Variants in WDR72 observed in about 807,000 individuals in gnomAD.
WDR72 encodes WD repeat domain 72.
In WDR72, 120 loss-of-function variants were observed where a neutral mutation model predicts 124.2. The ratio of observed to expected loss-of-function variants is 0.97; its 90% CI spans 0.83 to 1.12. WDR72 has a LOEUF of 1.12. Among genes scored for constraint, WDR72 ranks in the 50% most tolerant of loss-of-function variants. The probability of loss-of-function intolerance (pLI) is 0.00; values close to 1 mark genes in which losing one functional copy is unlikely to be tolerated. For synonymous variants in WDR72, 452 were observed against 441.7 expected (o/e 1.02, Z -0.29); for missense variants, 1,387 against 1,278.8 (o/e 1.08, Z -1.29).
At chr15:53,653,838 A>C (rs540025798) in intron 14 of WDR72, among the ~76,000 whole-genome samples, 1 of 152,284 alleles carries the variant, frequency 6.6e-6, no homozygotes, top group South Asian at 2.1e-4. Context: ...TATAACTCCA[A>C]AGATACTCTT....
At chr15:53,604,931 G>GATT (rs1392558163) in intron 17 of WDR72, among the ~76,000 whole-genome samples, 4 of 152,164 alleles carry the variant, frequency 2.6e-5, no homozygotes, top group African/African-American at 9.7e-5. Context: ...ACAGTGTGGT[G>GATT]ATTCCTCAAA....
Position 53,576,399 on chromosome 15 carries a change from T to C in WDR72, c.3148+20680A>G, listed in dbSNP as rs74017464. Among the ~76,000 whole-genome samples, 335 of 152,236 alleles carry C rather than the reference T, an allele frequency of 2.2e-3. 4 individuals are homozygous for C. Among genetic ancestry groups the C allele is most frequent in the African/African-American group, 7.9e-3 (329 of 41,564 alleles). Reference sequence around the variant, plus strand: ...ATGTTCAGAAAAGAGAAGTAAGGTATAGAGCCTCCAGTTCCTCCAAAACTC... The same window carrying C: ...ATGTTCAGAAAAGAGAAGTAAGGTACAGAGCCTCCAGTTCCTCCAAAACTC... On this transcript the variant is annotated intron_variant, in intron 18 of 19. Transcript: ENST00000360509.
chr15:53,699,753 T>C lies in WDR72; in HGVS notation c.1762A>G (p.Thr588Ala). Residue 588 changes from threonine to alanine, a missense_variant, in exon 13 of 20, where the codon ACA becomes GCA. By Grantham distance (58) the Thr-to-Ala change is moderately conservative. Transcript: ENST00000360509. The part of the protein sequence containing the change: ...DDSVYIWEIE[T>A]GTLERHETGE... ...AAGGGATAAAATTTCAACTTACCTGTTTCAATTTCCCAGATATAAACTGAG... is the reference window on the plus strand; with the variant it reads ...AAGGGATAAAATTTCAACTTACCTGCTTCAATTTCCCAGATATAAACTGAG... 6.2e-7 allele frequency: 1 copy of C among 1,614,090 alleles called. No individual in the cohort carries two copies. The highest frequency in any genetic ancestry group is 8.5e-7 in the Non-Finnish European group (1 of 1,179,952).
chr15:53,632,831 A>G (rs374772795), intron 14 of WDR72, among the ~76,000 whole-genome samples: 21 of 152,296 alleles, frequency 1.4e-4, no homozygotes, highest in East Asian at 1.4e-3. Flanking sequence ...CTTTCTTCTG[A>G]CCAATTTTTC....
intron 18 of WDR72, among the ~76,000 whole-genome samples, chr15:53,527,220 A>G (rs1255611500): frequency 6.6e-6 from 1 of 152,088 alleles, no homozygotes; most frequent in Non-Finnish European, 1.5e-5. Context: ...TTAAAATTAG[A>G]AAAGTGGTAG....
chr15:53,613,665 C>A lies in WDR72; in HGVS notation c.2872+1G>T. 3 of 1,604,862 alleles carry A rather than the reference C, an allele frequency of 1.9e-6. No individual in the cohort carries two copies. Among genetic ancestry groups the A allele is most frequent in the Non-Finnish European group, 2.6e-6 (3 of 1,173,228 alleles). On this transcript the variant is annotated splice_donor_variant, in intron 16 of 19. Coordinates refer to ENST00000360509, the MANE Select transcript of WDR72 (RefSeq NM_182758.4). LOFTEE classifies it high-confidence loss of function. ...CATATCTGTGCCAGTAACTCTCTTACCATTTCGTAAGCAACTGTAGAAGCT... is the reference window on the plus strand; with the variant it reads ...CATATCTGTGCCAGTAACTCTCTTAACATTTCGTAAGCAACTGTAGAAGCT...
chr15:53,723,709 A>C (rs1336167201), intron 2 of WDR72, among the ~76,000 whole-genome samples: 1 of 152,238 alleles, frequency 6.6e-6, no homozygotes, highest in African/African-American at 2.4e-5. Flanking sequence ...AAGTATTGGC[A>C]TATAGCCTAT....
At chr15:53,737,052 C>CACACA (rs2018378074) in intron 1 of WDR72, among the ~76,000 whole-genome samples, 1 of 148,464 alleles carries the variant, frequency 6.7e-6, no homozygotes, top group East Asian at 2.0e-4. Flanking sequence ...CACAGACTTG[C>CACACA]CATCTCTGTT....
At chr15:53,631,546 G>A (rs2014429015) in intron 14 of WDR72, among the ~76,000 whole-genome samples, 1 of 152,158 alleles carries the variant, frequency 6.6e-6, no homozygotes, top group African/African-American at 2.4e-5. Context: ...GAAAGAGTAT[G>A]GAGGCCTCAG....
At chr15:53,657,939 T>C (rs1280589334) in intron 14 of WDR72, among the ~76,000 whole-genome samples, 3 of 152,134 alleles carry the variant, frequency 2.0e-5, no homozygotes, top group Admixed American at 6.5e-5. Flanking sequence ...AAATGCAGAG[T>C]TGATTAGTAA....
intron 4 of WDR72, 66 bp from the exon 5 acceptor site, chr15:53,715,433 G>T (rs1425241441): frequency 1.3e-6 from 2 of 1,585,600 alleles, no homozygotes; most frequent in Non-Finnish European, 1.7e-6. Context: ...TGGCTACATT[G>T]AAGATTTCTC....
At chr15:53,639,579 A>AAATTATATATAATTTTATTT (rs2014770219) in intron 14 of WDR72, among the ~76,000 whole-genome samples, 7 of 56,356 alleles carry the variant, frequency 1.2e-4, no homozygotes, top group Admixed American at 4.2e-4. Flanking sequence ...TAATGTTATA[A>AAATTATATATAATTTTATTT]ATTAAAAATT....
At chr15:53,658,750 G>A (rs1044004845) in intron 14 of WDR72, among the ~76,000 whole-genome samples, 3 of 152,166 alleles carry the variant, frequency 2.0e-5, no homozygotes. Flanking sequence ...CCAGGGTTTG[G>A]AAATAATATC....
At chr15:53,534,781 G>GA (rs1324315245) in intron 18 of WDR72, among the ~76,000 whole-genome samples, 9 of 152,190 alleles carry the variant, frequency 5.9e-5, no homozygotes, top group Non-Finnish European at 1.3e-4. Context: ...ACCAGAAGTA[G>GA]AAAATAAATT....
intron 1 of WDR72, among the ~76,000 whole-genome samples, chr15:53,758,497 A>T (rs1595893050): frequency 6.6e-6 from 1 of 152,112 alleles, no homozygotes; most frequent in Non-Finnish European, 1.5e-5. Context: ...ACATTTTAAT[A>T]TTGAAGGAGT....
intron 9 of WDR72, among the ~76,000 whole-genome samples, chr15:53,706,364 A>ATGTGTGTGTG (rs1402334924): frequency 3.2e-4 from 15 of 47,612 alleles, no homozygotes; most frequent in African/African-American, 1.2e-3. Flanking sequence ...ATATATATAT[A>ATGTGTGTGTG]TATATATATA....
In WDR72 at chr15:53,597,069, T is replaced by G; in HGVS notation, c.3148+10A>C. 1 of 1,613,262 alleles carries G rather than the reference T, an allele frequency of 6.2e-7. No individual in the cohort carries two copies. Among genetic ancestry groups the G allele is most frequent in the Non-Finnish European group, 8.5e-7 (1 of 1,179,524 alleles). On this transcript the variant is annotated intron_variant, in intron 18 of 19. Transcript: ENST00000360509. The stretch of plus-strand genomic sequence containing the variant: ...TGTTGAAAGAGTATACCAATAAATT[T>G]TGTACTTACTTTGCAGAGGCAAAGT...
At chr15:53,536,798 A>G (rs1296407822) in intron 18 of WDR72, among the ~76,000 whole-genome samples, 3 of 152,172 alleles carry the variant, frequency 2.0e-5, no homozygotes, top group African/African-American at 4.8e-5. Context: ...TAGTACTTAT[A>G]AGGTTAAACA....
At chr15:53,750,439 C>T (rs1240509216) in intron 1 of WDR72, among the ~76,000 whole-genome samples, 3 of 152,130 alleles carry the variant, frequency 2.0e-5, no homozygotes, top group African/African-American at 7.2e-5. Context: ...TGACAATGCA[C>T]CGAGTCAACC....
Sources: allele counts gnomAD v4.1 joint callset (sites outside exome capture counted in the v4.1 genomes callset), GRCh38; gene constraint gnomAD v4.1.1; transcripts MANE v1.5; gene names NCBI Gene and HGNC (gene_info 2026-07-23, HGNC 2026-07-21).